Variants in NLGN1 observed in about 807,000 individuals in gnomAD.
NLGN1 encodes neuroligin 1, also known as neuroligin-1.
In NLGN1, 12 loss-of-function variants were observed where a neutral mutation model predicts 65.5. The observed-to-expected ratio is 0.18, with a 90% confidence interval of 0.12 to 0.30. NLGN1 has a LOEUF of 0.30. NLGN1 is among the 10% of genes least tolerant of loss of function. The probability of loss-of-function intolerance (pLI) is 1.00; values close to 1 mark genes in which losing one functional copy is unlikely to be tolerated. For missense variants in NLGN1, 750 were observed against 1,007.1 expected, an observed-to-expected ratio of 0.74 and a Z score of 3.46; for synonymous variants, 350 against 359.5, an observed-to-expected ratio of 0.97 and a Z score of 0.30.
intron 4 of NLGN1, among the ~76,000 whole-genome samples, chr3:173,976,340 A>C (rs1042712247): frequency 6.6e-6 from 1 of 152,098 alleles, no homozygotes; most frequent in South Asian, 2.1e-4. Context: ...TGGGGAGTAC[A>C]ACAATGAATG....
intron 4 of NLGN1, among the ~76,000 whole-genome samples, chr3:173,944,859 C>G (rs78808950): frequency 1.2e-3 from 190 of 152,204 alleles, no homozygotes; most frequent in African/African-American, 4.3e-3. Flanking sequence ...ATTCAGTAAT[C>G]ATGATTTGTA....
chr3:173,710,279 A>G (rs991603303), intron 3 of NLGN1, among the ~76,000 whole-genome samples: 4 of 152,150 alleles, frequency 2.6e-5, no homozygotes, highest in Non-Finnish European at 4.4e-5. Context: ...GACATTTTAG[A>G]TTCCGGAAAT....
intron 3 of NLGN1, among the ~76,000 whole-genome samples, chr3:173,702,558 G>A (rs2901924): frequency 6.6e-6 from 1 of 152,038 alleles, no homozygotes; most frequent in Non-Finnish European, 1.5e-5. Flanking sequence ...ATAAGATGAT[G>A]ATCAAAAAGA....
In NLGN1 at chr3:173,476,682, G is replaced by T. The variant is rs562309561; in HGVS notation, c.-321+41604G>T. 2.6e-5 allele frequency among the ~76,000 whole-genome samples: 4 copies of T among 152,306 alleles called. No individual in the cohort carries two copies. In the South Asian group the frequency reaches 8.3e-4, roughly 32 times the overall value. ...CTGCTTTATCCATTCTTAAAGTGAAGTGGCAAGGTACGGTTGCATTTTGAG... is the reference window on the plus strand; with the variant it reads ...CTGCTTTATCCATTCTTAAAGTGAATTGGCAAGGTACGGTTGCATTTTGAG... On this transcript the variant is annotated intron_variant, in intron 2 of 6. Transcript: ENST00000457714.
chr3:173,506,212 G>A (rs1732009034), intron 2 of NLGN1, among the ~76,000 whole-genome samples: 1 of 151,794 alleles, frequency 6.6e-6, no homozygotes, highest in Non-Finnish European at 1.5e-5. Context: ...AAAAGAATTT[G>A]GAGTGCTTCT....
intron 4 of NLGN1, among the ~76,000 whole-genome samples, chr3:174,021,734 C>G (rs1467032495): frequency 2.0e-5 from 3 of 152,090 alleles, no homozygotes; most frequent in Non-Finnish European, 4.4e-5. Context: ...GACAGAGAGA[C>G]AGAAGTCATC....
rs117075452 is a variant in NLGN1 at position 174,177,656 on chromosome 3, A to T, written c.647-97659A>T. On this transcript the variant is annotated intron_variant, in intron 4 of 6. Coordinates refer to ENST00000457714, the Ensembl canonical transcript of NLGN1. ...ACGCCAACTAAAGAACTGTTCCTAG[A>T]TTAGCAAGTCCTAGTATAAAGAAAA... is the stretch of plus-strand genomic sequence containing the variant. Among the ~76,000 whole-genome samples the T allele has an allele frequency of 1.0e-3, 155 of 152,200 alleles. No individual in the cohort carries two copies. The East Asian group carries it at 0.022, about 22-fold the overall frequency.
intron 3 of NLGN1, among the ~76,000 whole-genome samples, chr3:173,666,409 ACAGT>A (rs2149712429): frequency 6.6e-6 from 1 of 152,310 alleles, no homozygotes; most frequent in African/African-American, 2.4e-5. Context: ...TGCAATTTAT[ACAGT>A]CAGAGTTAAA....
chr3:173,560,321 GGAAA>G (rs989187119), intron 2 of NLGN1, among the ~76,000 whole-genome samples: 28 of 150,562 alleles, frequency 1.9e-4, no homozygotes, highest in East Asian at 7.8e-4. Context: ...AGTAAAAATA[GGAAA>G]GAAAGAAAGA....
chr3:173,415,412 T>G (rs537686131), intron 1 of NLGN1, among the ~76,000 whole-genome samples: 1 of 152,310 alleles, frequency 6.6e-6, no homozygotes, highest in African/African-American at 2.4e-5. Flanking sequence ...TTTAGCGGTA[T>G]GAAGACAAAT....
At chr3:173,796,041 G>A (rs980437388) in intron 3 of NLGN1, among the ~76,000 whole-genome samples, 4 of 152,078 alleles carry the variant, frequency 2.6e-5, no homozygotes, top group African/African-American at 9.7e-5. Flanking sequence ...TGAGAAGGAC[G>A]CATTTCTAAT....
At chr3:174,262,419 T>C (rs1317361912) in intron 4 of NLGN1, among the ~76,000 whole-genome samples, 2 of 130,404 alleles carry the variant, frequency 1.5e-5, no homozygotes, top group Non-Finnish European at 3.2e-5. Flanking sequence ...CTTGGGAGAG[T>C]GTATGTGTCA....
chr3:173,716,349 C>T (rs1279760779), intron 3 of NLGN1, among the ~76,000 whole-genome samples: 5 of 152,030 alleles, frequency 3.3e-5, no homozygotes, highest in Admixed American at 6.6e-5. Context: ...TGTATATATA[C>T]ACATAAAATA....
At chr3:174,249,425 A>G (rs1744382517) in intron 4 of NLGN1, among the ~76,000 whole-genome samples, 1 of 152,214 alleles carries the variant, frequency 6.6e-6, no homozygotes, top group South Asian at 2.1e-4. Flanking sequence ...ACCATATAGT[A>G]CTAAACAGGA....
Position 173,574,923 on chromosome 3 carries a change from C to CGA in NLGN1, c.-320-29356_-320-29355insGA, listed in dbSNP as rs537920250. ...AAACACAGACAGGATCTCACTCTGT[C>CGA]ACCTAGGCTAGAGTGCAGTGGCACA... On this transcript the variant is annotated intron_variant, in intron 2 of 6. Transcript: ENST00000457714. Among the ~76,000 whole-genome samples the CGA allele has an allele frequency of 3.6e-3, 549 of 152,316 alleles. 1 individual carries two copies. Among genetic ancestry groups the CGA allele is most frequent in the Non-Finnish European group, 6.5e-3 (442 of 68,016 alleles).
chr3:173,415,904 T>TATATATATAC (rs1380777305), intron 1 of NLGN1, among the ~76,000 whole-genome samples: 8 of 125,440 alleles, frequency 6.4e-5, no homozygotes, highest in Non-Finnish European at 3.4e-5. Context: ...TATATATATA[T>TATATATATAC]AGAGAGAGAG....
In NLGN1 at chr3:174,280,621, A is replaced by G. The variant is rs1350902358; in HGVS notation, c.1790A>G (p.His597Arg). The change falls in exon 7 of 7, where the codon CAT becomes CGT. Residue 597 changes from histidine (H) to arginine (R), a missense_variant. By Grantham distance (29) the His-to-Arg change is conservative. Coordinates refer to ENST00000457714, the Ensembl canonical transcript of NLGN1. The surrounding 1 kb of genome is among the most constrained non-coding windows in gnomAD (Gnocchi z 4.9). The stretch of plus-strand genomic sequence containing the variant: ...GGATTAAAACCAAGAGTTAAAGAAC[A>G]TTACAGAGCCAATAAGGTGAACCTC... The G allele has an allele frequency of 6.2e-7, 1 of 1,613,184 alleles. No homozygotes were observed. The highest frequency in any genetic ancestry group is 8.5e-7 in the Non-Finnish European group (1 of 1,179,518).
intron 2 of NLGN1, among the ~76,000 whole-genome samples, chr3:173,586,544 G>A (rs1747479583): frequency 6.6e-6 from 1 of 152,156 alleles, no homozygotes; most frequent in African/African-American, 2.4e-5. Flanking sequence ...TTCTAAAGAT[G>A]AAATAGCAAA....
At chr3:173,819,065 AG>A (rs1307417475) in intron 4 of NLGN1, among the ~76,000 whole-genome samples, 2 of 151,908 alleles carry the variant, frequency 1.3e-5, no homozygotes, top group African/African-American at 4.8e-5. Context: ...TCCTTTAGAA[AG>A]GGATTTCTAA....
Sources: gnomAD v4.1 joint callset for allele counts (sites outside exome capture counted in the v4.1 genomes callset) on GRCh38, gnomAD v4.1.1 for gene constraint, Gnocchi (gnomAD v3.1) non-coding constraint, MANE v1.5 for transcripts, NCBI Gene and HGNC (gene_info 2026-07-23, HGNC 2026-07-21) for gene names.